Variants in ZNF644 observed in about 807,000 individuals in gnomAD.
The protein encoded by ZNF644 is zinc finger protein 644, also known as zinc finger motif enhancer binding protein 2.
A neutral mutation model predicts 108.0 loss-of-function variants in ZNF644; 20 were observed. The ratio of observed to expected loss-of-function variants is 0.19; its 90% CI spans 0.13 to 0.27. The LOEUF (loss-of-function observed/expected upper bound fraction) is 0.27, where lower values mean the gene tolerates loss of function less well. ZNF644 is among the 10% of genes least tolerant of loss of function. The pLI is 1.00. For synonymous variants in ZNF644, 542 were observed against 539.1 expected (o/e 1.01, Z -0.08); for missense variants, 1,338 against 1,548.9 (o/e 0.86, Z 2.29).
chr1:90,979,609 CTA>C (rs576315059), intron 2 of ZNF644, among the ~76,000 whole-genome samples: 90 of 152,306 alleles, frequency 5.9e-4, no homozygotes, highest in Non-Finnish European at 1.0e-3. Context: ...CAGTTCCAGG[CTA>C]TGATTCTACA....
At chr1:90,995,370 A>G (rs1166670355) in intron 1 of ZNF644, among the ~76,000 whole-genome samples, 1 of 152,162 alleles carries the variant, frequency 6.6e-6, no homozygotes, top group Non-Finnish European at 1.5e-5. Context: ...TAACTAAAGA[A>G]AAATAAACAT....
rs1269607012 is a variant in ZNF644 at position 90,960,617 on chromosome 1, C to G, written c.45-19308G>C. Among the ~76,000 whole-genome samples, 5 of 152,214 alleles carry G rather than the reference C, an allele frequency of 3.3e-5. No homozygotes were observed. In the South Asian group the frequency reaches 1.0e-3, roughly 32 times the overall value. ...AATCATAAAATGTCCCATGTCCTGA[C>G]GACACCCAATCTAGGACACATTTCC... On this transcript the variant is annotated intron_variant, in intron 2 of 5. Transcript: ENST00000337393.
At chr1:90,957,807 CA>C (rs1302454880) in intron 2 of ZNF644, among the ~76,000 whole-genome samples, 14 of 152,100 alleles carry the variant, frequency 9.2e-5, no homozygotes, top group Non-Finnish European at 1.2e-4. Flanking sequence ...AAAAGGCATC[CA>C]AATTGGAAAA....
At chr1:90,982,678 A>G in intron 1 of ZNF644, among the ~76,000 whole-genome samples, 1 of 152,218 alleles carries the variant, frequency 6.6e-6, no homozygotes, top group South Asian at 2.1e-4. Context: ...TGGCAATGGC[A>G]ATAATTAAAA....
intron 1 of ZNF644, among the ~76,000 whole-genome samples, chr1:91,012,782 A>G (rs1483138997): frequency 1.3e-5 from 2 of 152,156 alleles, no homozygotes; most frequent in Non-Finnish European, 2.9e-5. Context: ...AGGTATACTT[A>G]TATGTATAAA....
In ZNF644 at chr1:90,939,063, T is replaced by C. The variant is rs1048497473; in HGVS notation, c.2291A>G (p.Glu764Gly). 6.2e-6 allele frequency: 10 copies of C among 1,613,954 alleles called. No homozygotes were observed. The highest frequency in any genetic ancestry group is 1.3e-5 in the African/African-American group (1 of 74,942). The change falls in exon 3 of 6, where the codon GAA becomes GGA. Residue 764 changes from glutamate (E) to glycine (G), a missense_variant. This residue lies in a region of ZNF644 where 462 missense variants were observed against 472.6 expected (regional missense o/e 0.98). Transcript: ENST00000337393. ...GESYPVHFKK[E>G]EASSLNSLHL... ...TAAAGAATTTAATGAACTAGCTTCT[T>C]CTTTTTTGAAATGCACAGGATATGA...
At chr1:90,988,039 G>A (rs1433069706) in intron 1 of ZNF644, among the ~76,000 whole-genome samples, 2 of 152,038 alleles carry the variant, frequency 1.3e-5, no homozygotes, top group Non-Finnish European at 2.9e-5. Context: ...ATTCAACACA[G>A]TAGTGGAAGT....
chr1:90,950,661 T>C (rs1653054792), intron 2 of ZNF644, among the ~76,000 whole-genome samples: 1 of 152,020 alleles, frequency 6.6e-6, no homozygotes, highest in Non-Finnish European at 1.5e-5. Flanking sequence ...CTTTAAACGA[T>C]TCTCCCAAAG....
At position 90,954,247 on chromosome 1, in the gene ZNF644, G is replaced by A. The variant is rs150580357; in HGVS notation, c.45-12938C>T. On this transcript the variant is annotated intron_variant, in intron 2 of 5. Transcript: ENST00000337393. The stretch of plus-strand genomic sequence containing the variant: ...CAAACCCTGCTACTGCTTTACTGAC[G>A]TAATATTCTAAATCCTATGTTGTCA... Among the ~76,000 whole-genome samples the A allele has an allele frequency of 6.6e-5, 10 of 152,164 alleles. No homozygotes were observed. In the East Asian group the frequency reaches 7.7e-4, roughly 12 times the overall value.
At position 90,982,386 on chromosome 1, in the gene ZNF644, A is replaced by G. The variant is rs967075778; in HGVS notation, c.-17-16T>C. 1.3e-6 allele frequency: 2 copies of G among 1,595,746 alleles called. No homozygotes were observed. The highest frequency in any genetic ancestry group is 2.7e-5 in the African/African-American group (2 of 74,600). Reference sequence around the variant, plus strand: ...TAAATCAAACCTGAAAGAAATACACACAATGACCAAGGTTTAATTTTTTGT... The same window carrying G: ...TAAATCAAACCTGAAAGAAATACACGCAATGACCAAGGTTTAATTTTTTGT... On this transcript the variant is annotated splice_polypyrimidine_tract_variant and intron_variant, in intron 1 of 5. Transcript: ENST00000337393.
intron 1 of ZNF644, among the ~76,000 whole-genome samples, chr1:90,989,986 C>T (rs1444439690): frequency 6.6e-6 from 1 of 151,064 alleles, no homozygotes; most frequent in Non-Finnish European, 1.5e-5. Context: ...AGCCTTAAAA[C>T]AGAAGGAAAT....
intron 2 of ZNF644, among the ~76,000 whole-genome samples, chr1:90,953,180 C>T (rs1308487690): frequency 1.3e-5 from 2 of 152,144 alleles, no homozygotes; most frequent in Non-Finnish European, 2.9e-5. Flanking sequence ...ATCTCCCCCC[C>T]TCATTAAAAT....
At chr1:90,988,763 G>T (rs1657355000) in intron 1 of ZNF644, among the ~76,000 whole-genome samples, 1 of 152,160 alleles carries the variant, frequency 6.6e-6, no homozygotes, top group Non-Finnish European at 1.5e-5. Flanking sequence ...TGTTTGACAA[G>T]GGGGCCAATA....
chr1:90,995,521 C>T (rs1658069038), intron 1 of ZNF644, among the ~76,000 whole-genome samples: 2 of 152,138 alleles, frequency 1.3e-5, no homozygotes, highest in South Asian at 4.1e-4. Flanking sequence ...AAAATGTTGA[C>T]TTAACAAATC....
In ZNF644 at chr1:90,938,535, T is replaced by C; in HGVS notation, c.2819A>G (p.Glu940Gly). 2 of 1,613,986 alleles carry C rather than the reference T, an allele frequency of 1.2e-6. No individual in the cohort carries two copies. Among genetic ancestry groups the C allele is most frequent in the Non-Finnish European group, 1.7e-6 (2 of 1,179,914 alleles). Reference protein sequence around the residue: ...LHEIHDPQHLETADASLSKHS... With the variant: ...LHEIHDPQHLGTADASLSKHS... The stretch of plus-strand genomic sequence containing the variant: ...CTTTGACAATGAAGCATCTGCAGTT[T>C]CTAAATGCTGAGGATCATGTATCTC... Residue 940 changes from glutamate (E) to glycine (G), a missense_variant, in exon 3 of 6, where the codon GAA (glutamate) becomes GGA (glycine). Around this residue, in one of 6 missense-constraint regions of ZNF644, gnomAD observed 462 missense variants for 472.6 expected, o/e 0.98. Transcript: ENST00000337393. The surrounding 1 kb of genome is among the most constrained non-coding windows in gnomAD (Gnocchi z 4.2).
chr1:90,926,368 G>C (rs903250371), intron 4 of ZNF644, among the ~76,000 whole-genome samples: 1 of 152,120 alleles, frequency 6.6e-6, no homozygotes, highest in Non-Finnish European at 1.5e-5. Context: ...CCTATAATCT[G>C]TTGAATATGT....
Position 90,938,922 on chromosome 1 carries a change from A to G in ZNF644, c.2432T>C (p.Val811Ala). 6.2e-7 allele frequency: 1 copy of G among 1,613,900 alleles called. No homozygotes were observed. The highest frequency in any genetic ancestry group is 8.5e-7 in the Non-Finnish European group (1 of 1,179,924). ...ACTTTCCTTCTTAGATTCCTTAATT[A>G]CTCTCTTTACAGCTACACGTCTGTG... is the stretch of plus-strand genomic sequence containing the variant. Reference protein sequence around the residue: ...KDHRRVAVKRVIKESKKESSV... With the variant: ...KDHRRVAVKRAIKESKKESSV... Residue 811 changes from valine (V) to alanine (A), a missense_variant, in exon 3 of 6, where the codon GTA becomes GCA. Transcript: ENST00000337393. This position sits in a 1 kb window ranked among gnomAD's most constrained non-coding sequence, Gnocchi z 4.2.
intron 4 of ZNF644, among the ~76,000 whole-genome samples, chr1:90,929,440 G>T (rs1328462334): frequency 6.6e-6 from 1 of 152,176 alleles, no homozygotes; most frequent in African/African-American, 2.4e-5. Context: ...TTAAGCAGAA[G>T]CAAGTTTGCT....
intron 1 of ZNF644, among the ~76,000 whole-genome samples, chr1:90,985,325 A>G (rs1416482526): frequency 6.6e-6 from 1 of 152,190 alleles, no homozygotes; most frequent in Non-Finnish European, 1.5e-5. Context: ...AAAACACTTA[A>G]AATCTACTCT....
Sources: allele counts gnomAD v4.1 joint callset (sites outside exome capture counted in the v4.1 genomes callset), GRCh38; gene constraint gnomAD v4.1.1; regional missense constraint gnomAD v4.1.1; non-coding constraint Gnocchi (gnomAD v3.1); transcripts MANE v1.5; gene names NCBI Gene and HGNC (gene_info 2026-07-23, HGNC 2026-07-21).